Variants in FANCF observed in about 807,000 individuals in gnomAD.
FANCF encodes the protein Fanconi anemia group F protein.
For missense variants in FANCF, 552 were observed against 481.8 expected, an observed-to-expected ratio of 1.15 and a Z score of -1.36; for synonymous variants, 257 against 205.9, an observed-to-expected ratio of 1.25 and a Z score of -2.13.
rs1400171654 is a variant in FANCF at position 22,622,726 on chromosome 11, T to C, written c.*1960A>G. ...TACGGCTTCCACTTTCATGTTGCTT[T>C]TGTTTATACCCTTGGGCATTTTACT... On this transcript the variant is annotated 3_prime_UTR_variant, in exon 1 of 1. Coordinates refer to ENST00000327470, the MANE Select transcript of FANCF (RefSeq NM_022725.4). 1.0e-5 allele frequency: 2 copies of C among 192,788 alleles called. No individual in the cohort carries two copies. Among genetic ancestry groups the C allele is most frequent in the Non-Finnish European group, 1.1e-5 (1 of 92,334 alleles). The allele number at this position is 192,788 out of a possible 1,614,324, so 11.9% of individuals were successfully genotyped here.
rs773430381 is a variant in FANCF, at chr11:22,625,491, G to C, written c.320C>G (p.Ala107Gly). The C allele has an allele frequency of 1.9e-6, 3 of 1,614,228 alleles. No individual in the cohort carries two copies. Among genetic ancestry groups the C allele is most frequent in the Non-Finnish European group, 2.5e-6 (3 of 1,180,044 alleles). The change falls in exon 1 of 1, where the codon GCT becomes GGT. Residue 107 changes from alanine (A) to glycine (G), a missense_variant. Transcript: ENST00000327470. The part of the protein sequence containing the change: ...LLENRALGDA[A>G]RYHLVQQLFP... ...GAGTTGCTGCACCAGGTGGTAACGA[G>C]CTGCATCCCCGAGGGCCCGGTTCTC...
At position 22,624,228 on chromosome 11, in the gene FANCF, G is replaced by A. The variant is rs894051840; in HGVS notation, c.*458C>T. 3 of 273,528 alleles carry A rather than the reference G, an allele frequency of 1.1e-5. No homozygotes were observed. The highest frequency in any genetic ancestry group is 4.7e-5 in the Admixed American group (1 of 21,272). The allele number at this position is 273,528 out of a possible 1,614,324, so 16.9% of individuals were successfully genotyped here. On this transcript the variant is annotated 3_prime_UTR_variant, in exon 1 of 1. Coordinates refer to ENST00000327470, the MANE Select transcript of FANCF (RefSeq NM_022725.4). ...ACTGGTTAGAATACTAGGTTAACAA[G>A]GCCAAACTCCAGATAGGCCAACAGC...
Position 22,623,090 on chromosome 11 carries a change from A to G in FANCF, c.*1596T>C, listed in dbSNP as rs1378705778. ...CAGGAGGAATTGTCTTTATTCTTGCATTAATGATAAATGTAATCTACAAGA... is the reference window on the plus strand; with the variant it reads ...CAGGAGGAATTGTCTTTATTCTTGCGTTAATGATAAATGTAATCTACAAGA... On this transcript the variant is annotated 3_prime_UTR_variant, in exon 1 of 1. Coordinates refer to ENST00000327470, the MANE Select transcript of FANCF (RefSeq NM_022725.4). 5 of 207,970 alleles carry G rather than the reference A, an allele frequency of 2.4e-5. No individual in the cohort carries two copies. The highest frequency in any genetic ancestry group is 3.9e-5 in the Non-Finnish European group (4 of 101,942). 12.9% of individuals were successfully genotyped at this position (207,970 alleles called of 1,614,324 possible). A position where few individuals can be genotyped will look rare whatever the true frequency, so the allele number is the denominator to read the frequency against.
chr11:22,622,537 CTCACT>C lies in FANCF; in HGVS notation c.*2144_*2148del, dbSNP rs1487077003. 2 of 177,242 alleles carry C rather than the reference CTCACT, an allele frequency of 1.1e-5. No individual in the cohort carries two copies. The highest frequency in any genetic ancestry group is 4.7e-5 in the African/African-American group (2 of 42,236). 11.0% of individuals were successfully genotyped at this position (177,242 alleles called of 1,614,324 possible). On this transcript the variant is annotated 3_prime_UTR_variant, in exon 1 of 1. Transcript: ENST00000327470. ...AATATTCTATTTTTATAGTCTTCCT[CTCACT>C]TTTTTCTCTCTCAGTGTATGCGTAG... is the stretch of plus-strand genomic sequence containing the variant.
rs1458139607 is a variant in FANCF, at chr11:22,625,398, C to T, written c.413G>A (p.Arg138His). The T allele has an allele frequency of 1.2e-6, 2 of 1,614,200 alleles. No homozygotes were observed. The highest frequency in any genetic ancestry group is 1.7e-5 in the Admixed American group (1 of 60,034). The change falls in exon 1 of 1, where the codon CGC becomes CAC. Residue 138 changes from arginine to histidine, a missense_variant. Coordinates refer to ENST00000327470, the MANE Select transcript of FANCF (RefSeq NM_022725.4). ...CAGCATGTGCACCGCAGACCGCCGG[C>T]GGGCAAGGCGGGCCAGGCTCTCTTG... ...TLQESLARLA[R>H]RRSAVHMLRF...
rs1397273213 is a variant in FANCF, at chr11:22,625,518, A to T, written c.293T>A (p.Leu98Gln). The T allele has an allele frequency of 6.2e-7, 1 of 1,614,164 alleles. No homozygotes were observed. Among genetic ancestry groups the T allele is most frequent in the South Asian group, 1.1e-5 (1 of 91,084 alleles). Reference protein sequence around the residue: ...HCDVLLSLRLLENRALGDAAR... With the variant: ...HCDVLLSLRLQENRALGDAAR... ...TGCATCCCCGAGGGCCCGGTTCTCCAGCAGGCGCAGAGAGAGCAGGACGTC... is the reference window on the plus strand; with the variant it reads ...TGCATCCCCGAGGGCCCGGTTCTCCTGCAGGCGCAGAGAGAGCAGGACGTC... Residue 98 changes from leucine to glutamine, a missense_variant, in exon 1 of 1, where the codon CTG becomes CAG. Physicochemically the swap from Leu to Gln is moderately radical, Grantham distance 113 (BLOSUM62 -2). Coordinates refer to ENST00000327470, the MANE Select transcript of FANCF (RefSeq NM_022725.4).
At position 22,623,980 on chromosome 11, in the gene FANCF, G is replaced by C. The variant is rs1279578597; in HGVS notation, c.*706C>G. ...CACTCCAGTCTGGGTGACAGAGCGA[G>C]ACTCCATCTCAAAAAAAAAAAAGTT... On this transcript the variant is annotated 3_prime_UTR_variant, in exon 1 of 1. Coordinates refer to ENST00000327470, the MANE Select transcript of FANCF (RefSeq NM_022725.4). 1.8e-5 allele frequency: 4 copies of C among 217,928 alleles called. No individual in the cohort carries two copies. Among genetic ancestry groups the C allele is most frequent in the Admixed American group, 5.8e-5 (1 of 17,172 alleles). The allele number at this position is 217,928 out of a possible 1,614,324, so 13.5% of individuals were successfully genotyped here.
rs1192037132 is a variant in FANCF, at chr11:22,624,855, G to C, written c.956C>G (p.Pro319Arg). 4 of 1,614,004 alleles carry C rather than the reference G, an allele frequency of 2.5e-6. No individual in the cohort carries two copies. The highest frequency in any genetic ancestry group is 3.4e-6 in the Non-Finnish European group (4 of 1,180,034). Reference sequence around the variant, plus strand: ...AGTTAGAACTTTATCTTTCAGAGGTGGAGGGGCCTGACAGAGGCTTTGAAA... The same window carrying C: ...AGTTAGAACTTTATCTTTCAGAGGTCGAGGGGCCTGACAGAGGCTTTGAAA... Reference protein sequence around the residue: ...NRFQSLCQAPPPLKDKVLTAL... With the variant: ...NRFQSLCQAPRPLKDKVLTAL... The change falls in exon 1 of 1, where the codon CCA becomes CGA. Residue 319 changes from proline (P) to arginine (R), a missense_variant. By Grantham distance (103) the Pro-to-Arg change is moderately radical. Transcript: ENST00000327470.
At position 22,624,756 on chromosome 11, in the gene FANCF, A is replaced by G. The variant is rs1249938083; in HGVS notation, c.1055T>C (p.Leu352Ser). The stretch of plus-strand genomic sequence containing the variant: ...CCTAAATGCACCACTACGAAGAGCT[A>G]ATAAGAGGTCTGTCCAGATGCTAAG... Reference protein sequence around the residue: ...PGLSIWTDLLLALRSGAFRKR... With the variant: ...PGLSIWTDLLSALRSGAFRKR... Residue 352 changes from leucine to serine, a missense_variant, in exon 1 of 1, where the codon TTA becomes TCA. Coordinates refer to ENST00000327470, the MANE Select transcript of FANCF (RefSeq NM_022725.4). 6 of 1,614,036 alleles carry G rather than the reference A, an allele frequency of 3.7e-6. No homozygotes were observed. The African/African-American group carries it at 6.7e-5, about 18-fold the overall frequency.
chr11:22,625,100 T>C lies in FANCF; in HGVS notation c.711A>G (p.Leu237=). Residue 237 remains leucine, a synonymous_variant, in exon 1 of 1, where the codon CTA becomes CTG. Transcript: ENST00000327470. Reference sequence around the variant, plus strand: ...CCGAATTCCCCAGAAGCCAGTGGACTAGCACTTGGCTCCCCTCTCCAGGTG... The same window carrying C: ...CCGAATTCCCCAGAAGCCAGTGGACCAGCACTTGGCTCCCCTCTCCAGGTG... ...HKSPGEGSQV[L]VHWLLGNSEV... 1.2e-6 allele frequency: 2 copies of C among 1,612,722 alleles called. No homozygotes were observed. Among genetic ancestry groups the C allele is most frequent in the Non-Finnish European group, 1.7e-6 (2 of 1,179,016 alleles).
rs949488113 is a variant in FANCF, at chr11:22,623,904, T to C, written c.*782A>G. 2.0e-5 allele frequency: 4 copies of C among 196,344 alleles called. No individual in the cohort carries two copies. In the East Asian group the frequency reaches 3.2e-4, roughly 16 times the overall value. 12.2% of individuals were successfully genotyped at this position (196,344 alleles called of 1,614,324 possible). ...AGCTACTTGGGAGGCTGAGTCAGAA[T>C]TGCTTGATCCTGGGAGGCAGAGGTT... is the stretch of plus-strand genomic sequence containing the variant. On this transcript the variant is annotated 3_prime_UTR_variant, in exon 1 of 1. Coordinates refer to ENST00000327470, the MANE Select transcript of FANCF (RefSeq NM_022725.4).
Position 22,625,283 on chromosome 11 carries a change from C to T in FANCF, c.528G>A (p.Glu176=), listed in dbSNP as rs1332270825. Residue 176 remains glutamate, a synonymous_variant, in exon 1 of 1, where the codon GAG becomes GAA. Transcript: ENST00000327470. ...QAELLLERLQ[E]VGKAEAERPA... is the part of the protein sequence containing the mutation. ...GACGCTCCGCTTCGGCCTTCCCCACCTCCTGCAGACGCTCCAGCAGCAGCT... is the reference window on the plus strand; with the variant it reads ...GACGCTCCGCTTCGGCCTTCCCCACTTCCTGCAGACGCTCCAGCAGCAGCT... 1 of 1,614,244 alleles carries T rather than the reference C, an allele frequency of 6.2e-7. No individual in the cohort carries two copies. The highest frequency in any genetic ancestry group is 1.1e-5 in the South Asian group (1 of 91,092).
chr11:22,625,749 G>C lies in FANCF; in HGVS notation c.62C>G (p.Thr21Ser), dbSNP rs765672591. The part of the protein sequence containing the change: ...FSELLAVSST[T>S]YVSTWDPATV... ...GGCGGGGTCCCAGGTGCTGACGTAGGTAGTGCTTGAGACCGCCAGAAGCTC... is the reference window on the plus strand; with the variant it reads ...GGCGGGGTCCCAGGTGCTGACGTAGCTAGTGCTTGAGACCGCCAGAAGCTC... Residue 21 changes from threonine (T) to serine (S), a missense_variant, in exon 1 of 1, where the codon ACC becomes AGC. Physicochemically the swap from Thr to Ser is moderately conservative, Grantham distance 58. Coordinates refer to ENST00000327470, the MANE Select transcript of FANCF (RefSeq NM_022725.4). 2 of 1,614,190 alleles carry C rather than the reference G, an allele frequency of 1.2e-6. No homozygotes were observed. The highest frequency in any genetic ancestry group is 1.7e-5 in the Admixed American group (1 of 60,026).
Position 22,624,618 on chromosome 11 carries a change from G to C in FANCF, c.*68C>G. 7.4e-7 allele frequency: 1 copy of C among 1,354,556 alleles called. No individual in the cohort carries two copies. Among genetic ancestry groups the C allele is most frequent in the African/African-American group, 1.4e-5 (1 of 69,418 alleles). The allele number at this position is 1,354,556 out of a possible 1,614,324, so 83.9% of individuals were successfully genotyped here. ...TTTGGACACACGAAGGCATATATTT[G>C]GTGAGAACATTGTAATTTTCATTTT... On this transcript the variant is annotated 3_prime_UTR_variant, in exon 1 of 1. Coordinates refer to ENST00000327470, the MANE Select transcript of FANCF (RefSeq NM_022725.4).
Position 22,625,235 on chromosome 11 carries a change from C to G in FANCF, c.576G>C (p.Leu192=). The G allele has an allele frequency of 6.2e-7, 1 of 1,614,130 alleles. No individual in the cohort carries two copies. The highest frequency in any genetic ancestry group is 2.2e-5 in the East Asian group (1 of 44,880). Residue 192 remains leucine (L), a synonymous_variant, in exon 1 of 1, where the codon CTG becomes CTC. Coordinates refer to ENST00000327470, the MANE Select transcript of FANCF (RefSeq NM_022725.4). ...AERPARFLSS[L]WERLPQNNFL... is the part of the protein sequence containing the mutation. ...AGTTGTTCTGAGGCAAGCGCTCCCA[C>G]AGGCTGCTGAGAAACCTGGCGGGAC...
rs1268357758 is a variant in FANCF at position 22,625,072 on chromosome 11, C to T, written c.739G>A (p.Val247Ile). 6.2e-7 allele frequency: 1 copy of T among 1,613,950 alleles called. No individual in the cohort carries two copies. The highest frequency in any genetic ancestry group is 8.5e-7 in the Non-Finnish European group (1 of 1,179,958). ...AGGGCGCGACAAAAGGCAGCAAAGA[C>T]TTCCGAATTCCCCAGAAGCCAGTGG... ...LVHWLLGNSE[V>I]FAAFCRALPA... is the part of the protein sequence containing the mutation. Residue 247 changes from valine to isoleucine, a missense_variant, in exon 1 of 1, where the codon GTC becomes ATC. By Grantham distance (29) the Val-to-Ile change is conservative. Coordinates refer to ENST00000327470, the MANE Select transcript of FANCF (RefSeq NM_022725.4).
rs1356073172 is a variant in FANCF, at chr11:22,625,630, G to A, written c.181C>T (p.Arg61Trp). ...HGPIRTALER[R>W]LHNQWRQEGG... ...TCTTGCCTCCACTGGTTGTGCAGCC[G>A]CCGCTCCAGAGCCGTGCGAATGGGG... The change falls in exon 1 of 1, where the codon CGG becomes TGG. Residue 61 changes from arginine (R) to tryptophan (W), a missense_variant. Coordinates refer to ENST00000327470, the MANE Select transcript of FANCF (RefSeq NM_022725.4). 1.2e-6 allele frequency: 2 copies of A among 1,613,940 alleles called. No individual in the cohort carries two copies.
rs1326710249 is a variant in FANCF, at chr11:22,623,271, C to T, written c.*1415G>A. On this transcript the variant is annotated 3_prime_UTR_variant, in exon 1 of 1. Coordinates refer to ENST00000327470, the MANE Select transcript of FANCF (RefSeq NM_022725.4). ...TGAGAAATTCTACAAGATTATACAA[C>T]TCTTTTTCTACAAGATTACACTACT... is the stretch of plus-strand genomic sequence containing the variant. 1 of 207,548 alleles carries T rather than the reference C, an allele frequency of 4.8e-6. No homozygotes were observed. The highest frequency in any genetic ancestry group is 2.3e-5 in the African/African-American group (1 of 43,934). 12.9% of individuals were successfully genotyped at this position (207,548 alleles called of 1,614,324 possible). A position where few individuals can be genotyped will look rare whatever the true frequency, so the allele number is the denominator to read the frequency against.
rs1246421295 is a variant in FANCF at position 22,623,160 on chromosome 11, G to A, written c.*1526C>T. On this transcript the variant is annotated 3_prime_UTR_variant, in exon 1 of 1. Coordinates refer to ENST00000327470, the MANE Select transcript of FANCF (RefSeq NM_022725.4). ...AAAGGAATCAGACCACAAGGAAAAAGAAATTGCTGGTTTTCACTCAAGATT... is the reference window on the plus strand; with the variant it reads ...AAAGGAATCAGACCACAAGGAAAAAAAAATTGCTGGTTTTCACTCAAGATT... 1 of 211,464 alleles carries A rather than the reference G, an allele frequency of 4.7e-6. No individual in the cohort carries two copies. Among genetic ancestry groups the A allele is most frequent in the South Asian group, 1.9e-4 (1 of 5,350 alleles). The allele number at this position is 211,464 out of a possible 1,614,324, so 13.1% of individuals were successfully genotyped here. A position where few individuals can be genotyped will look rare whatever the true frequency, so the allele number is the denominator to read the frequency against.
Sources: allele counts gnomAD v4.1 joint callset, GRCh38; gene constraint gnomAD v4.1.1; transcripts MANE v1.5; gene names NCBI Gene and HGNC (gene_info 2026-07-23, HGNC 2026-07-21).